Variants in ATRNL1 observed in about 807,000 individuals in gnomAD.
ATRNL1 encodes attractin like 1.
In ATRNL1, 95 loss-of-function variants were observed where a neutral mutation model predicts 182.7. That is an observed-to-expected ratio of 0.52 (90% CI 0.44 to 0.62). The LOEUF (loss-of-function observed/expected upper bound fraction) is 0.62, where lower values mean the gene tolerates loss of function less well. Among genes scored for constraint, ATRNL1 ranks in the 20% least tolerant of loss-of-function variants. ATRNL1 has a pLI of 0.00. For synonymous variants in ATRNL1, 576 were observed against 568.3 expected (o/e 1.01, Z -0.19); for missense variants, 1,471 against 1,679.5 (o/e 0.88, Z 2.17).
intron 19 of ATRNL1, among the ~76,000 whole-genome samples, chr10:115,368,181 C>A (rs1019688098): frequency 6.6e-6 from 1 of 152,220 alleles, no homozygotes; most frequent in Non-Finnish European, 1.5e-5. Flanking sequence ...AGCGAGACTC[C>A]GTGGGCGTAG....
chr10:115,298,905 T>C (rs577429787), intron 15 of ATRNL1, among the ~76,000 whole-genome samples: 4 of 152,220 alleles, frequency 2.6e-5, no homozygotes, highest in African/African-American at 9.6e-5. Flanking sequence ...GAGTGTTTAC[T>C]ATGTGAAATT....
At chr10:115,533,344 T>A (rs200812439) in intron 25 of ATRNL1, among the ~76,000 whole-genome samples, 4,946 of 109,086 alleles carry the variant, frequency 0.045, no homozygotes, top group East Asian at 0.13. Flanking sequence ...AGTGTATGTA[T>A]CGAGGAATTT....
At position 115,336,163 on chromosome 10, in the gene ATRNL1, C is replaced by G. The variant is rs529108862; in HGVS notation, c.3175+1744C>G. ...GCACAAAGAAGTTATCTAAAATACC[C>G]AAGATCATATTGCTAGTTAGAGTAA... On this transcript the variant is annotated intron_variant, in intron 19 of 28. Coordinates refer to ENST00000355044, the MANE Select transcript of ATRNL1 (RefSeq NM_207303.4). Among the ~76,000 whole-genome samples, 62 of 152,262 alleles carry G rather than the reference C, an allele frequency of 4.1e-4. 1 individual carries two copies. Among genetic ancestry groups the G allele is most frequent in the African/African-American group, 1.3e-3 (55 of 41,552 alleles).
At chr10:115,587,469 T>G (rs1217218513) in intron 26 of ATRNL1, among the ~76,000 whole-genome samples, 2 of 151,804 alleles carry the variant, frequency 1.3e-5, no homozygotes, top group Non-Finnish European at 2.9e-5. Flanking sequence ...TGGTGTGCCG[T>G]TGTTTTAGCC....
At chr10:115,623,118 A>G (rs2133810295) in intron 26 of ATRNL1, among the ~76,000 whole-genome samples, 1 of 152,324 alleles carries the variant, frequency 6.6e-6, no homozygotes, top group Admixed American at 6.5e-5. Context: ...TATAAAAATC[A>G]TTTAAAAATT....
intron 26 of ATRNL1, among the ~76,000 whole-genome samples, chr10:115,617,126 G>A (rs1480050047): frequency 1.3e-5 from 2 of 152,206 alleles, no homozygotes; most frequent in Non-Finnish European, 2.9e-5. Context: ...CTGGGGCAGG[G>A]TTGCCCAAGA....
At chr10:115,488,332 C>A (rs1849127818) in intron 24 of ATRNL1, among the ~76,000 whole-genome samples, 1 of 152,118 alleles carries the variant, frequency 6.6e-6, no homozygotes, top group Non-Finnish European at 1.5e-5. Flanking sequence ...TAGAATTCGG[C>A]TGTGAATCCA....
At chr10:115,340,612 T>C (rs1284287871) in intron 19 of ATRNL1, among the ~76,000 whole-genome samples, 2 of 151,782 alleles carry the variant, frequency 1.3e-5, no homozygotes, top group Admixed American at 6.6e-5. Context: ...GTATTAGTTC[T>C]GCTTTAAATG....
intron 20 of ATRNL1, among the ~76,000 whole-genome samples, chr10:115,401,752 A>G (rs1844574379): frequency 6.6e-6 from 1 of 152,184 alleles, no homozygotes; most frequent in Non-Finnish European, 1.5e-5. Flanking sequence ...TATAAGAGCC[A>G]GTCAAGTCAT....
At chr10:115,580,922 G>A (rs1855030027) in intron 26 of ATRNL1, among the ~76,000 whole-genome samples, 1 of 151,986 alleles carries the variant, frequency 6.6e-6, no homozygotes, top group South Asian at 2.1e-4. Context: ...TCATTTTGTT[G>A]AAATTCTCAG....
chr10:115,119,642 G>A (rs1554871010), intron 1 of ATRNL1, among the ~76,000 whole-genome samples: 2 of 151,782 alleles, frequency 1.3e-5, no homozygotes, highest in Non-Finnish European at 2.9e-5. Context: ...TAAAAATTGA[G>A]TTCTTGGACT....
chr10:115,299,597 C>T (rs1256190343), intron 15 of ATRNL1, among the ~76,000 whole-genome samples: 1 of 152,006 alleles, frequency 6.6e-6, no homozygotes, highest in Non-Finnish European at 1.5e-5. Context: ...ATTTTATTTT[C>T]TAGTTTCACA....
At chr10:115,094,176 C>G in intron 1 of ATRNL1, 133 bp downstream of exon 1, 1 of 981,048 alleles carries the variant, frequency 1.0e-6, no homozygotes, top group Non-Finnish European at 1.3e-6. Context: ...CCTCAGCGCG[C>G]GGCGGGAGCG....
intron 25 of ATRNL1, among the ~76,000 whole-genome samples, chr10:115,537,699 T>TGTTGTTTGTTTG (rs1852115208): frequency 1.9e-5 from 1 of 51,616 alleles, no homozygotes; most frequent in African/African-American, 9.8e-5. Flanking sequence ...TTTTGGTCCT[T>TGTTGTTTGTTTG]ATTGTTTGTT....
chr10:115,479,242 A>G (rs868977551), intron 24 of ATRNL1, among the ~76,000 whole-genome samples: 1 of 151,576 alleles, frequency 6.6e-6, no homozygotes, highest in Non-Finnish European at 1.5e-5. Context: ...CCTAAATTAT[A>G]TGTGTTGTAA....
chr10:115,397,172 C>T (rs1280613001), intron 20 of ATRNL1, among the ~76,000 whole-genome samples: 1 of 151,862 alleles, frequency 6.6e-6, no homozygotes, highest in Middle Eastern at 3.2e-3. Context: ...TCCTTCAAAT[C>T]AGTAAACAAT....
Position 115,621,560 on chromosome 10 carries a change from C to T in ATRNL1, c.3795+72024C>T, listed in dbSNP as rs995798162. 6.6e-5 allele frequency among the ~76,000 whole-genome samples: 10 copies of T among 152,098 alleles called. No individual in the cohort carries two copies. In the South Asian group the frequency reaches 8.3e-4, roughly 13 times the overall value. On this transcript the variant is annotated intron_variant, in intron 26 of 28. Transcript: ENST00000355044. ...CAAGCAATCCACCCACCTCAGCTTCCCATAGTGCTGGGGTTAAATGTGTGA... is the reference window on the plus strand; with the variant it reads ...CAAGCAATCCACCCACCTCAGCTTCTCATAGTGCTGGGGTTAAATGTGTGA...
intron 26 of ATRNL1, among the ~76,000 whole-genome samples, chr10:115,571,528 A>G (rs1854395680): frequency 6.6e-6 from 1 of 152,030 alleles, no homozygotes; most frequent in African/African-American, 2.4e-5. Context: ...CTACTACTAC[A>G]TTGTTGTAAG....
chr10:115,153,906 G>C (rs12269015), intron 5 of ATRNL1, among the ~76,000 whole-genome samples: 1,994 of 148,822 alleles, frequency 0.013, 42 homozygotes, highest in African/African-American at 0.047. Flanking sequence ...CCCAGAGATT[G>C]TGTGTCTTTG....
Sources: allele counts gnomAD v4.1 joint callset (sites outside exome capture counted in the v4.1 genomes callset), GRCh38; gene constraint gnomAD v4.1.1; transcripts MANE v1.5; gene names NCBI Gene and HGNC (gene_info 2026-07-23, HGNC 2026-07-21).